The following PTBP3 variants were observed in gnomAD, a reference collection of about 807,000 sequenced individuals.
PTBP3 encodes the protein polypyrimidine tract binding protein 3.
In PTBP3, 20 loss-of-function variants were observed where a neutral mutation model predicts 58.7. The observed-to-expected ratio is 0.34, with a 90% CI of 0.24 to 0.50. The LOEUF (loss-of-function observed/expected upper bound fraction) is 0.50. Among genes scored for constraint, PTBP3 ranks in the 20% least tolerant of loss-of-function variants. The pLI, the probability that PTBP3 is intolerant of heterozygous loss-of-function variation, is 0.98. For synonymous variants in PTBP3, 185 were observed against 219.8 expected, an observed-to-expected ratio of 0.84 and a Z score of 1.40; for missense variants, 509 against 637.2, an observed-to-expected ratio of 0.80 and a Z score of 2.17.
At chr9:112,303,790 G>A (rs958539921) in intron 1 of PTBP3, among the ~76,000 whole-genome samples, 1 of 151,934 alleles carries the variant, frequency 6.6e-6, no homozygotes, top group African/African-American at 2.4e-5. Flanking sequence ...CTTGAACCTG[G>A]GAGGCAGAGG....
intron 2 of PTBP3, among the ~76,000 whole-genome samples, chr9:112,294,809 T>C (rs999536006): frequency 1.3e-5 from 2 of 152,056 alleles, no homozygotes; most frequent in Non-Finnish European, 2.9e-5. Context: ...ATACATAAAA[T>C]AAATATTCAA....
chr9:112,326,128 T>A (rs1830146894), intron 1 of PTBP3, among the ~76,000 whole-genome samples: 1 of 152,180 alleles, frequency 6.6e-6, no homozygotes, highest in African/African-American at 2.4e-5. Context: ...TGTTCTATTA[T>A]CTTGAATGAG....
intron 2 of PTBP3, among the ~76,000 whole-genome samples, chr9:112,280,111 G>C (rs1310226110): frequency 6.6e-6 from 1 of 152,086 alleles, no homozygotes; most frequent in Non-Finnish European, 1.5e-5. Flanking sequence ...CCAGGCTGGA[G>C]TGCAGTGATG....
chr9:112,301,318 T>A (rs994842299), intron 1 of PTBP3, among the ~76,000 whole-genome samples: 4 of 151,792 alleles, frequency 2.6e-5, no homozygotes, highest in Non-Finnish European at 5.9e-5. Flanking sequence ...CACTTAACTA[T>A]CAGAACACCT....
At chr9:112,306,586 G>GTATATATATATA (rs569038891) in intron 1 of PTBP3, among the ~76,000 whole-genome samples, 6 of 114,520 alleles carry the variant, frequency 5.2e-5, no homozygotes, top group African/African-American at 6.7e-5. Flanking sequence ...ATTTAAATTT[G>GTATATATATATA]TATATATATA....
intron 10 of PTBP3, among the ~76,000 whole-genome samples, 196 bp from the exon 11 acceptor site, chr9:112,228,668 A>G (rs1468004992): frequency 6.6e-6 from 1 of 152,054 alleles, no homozygotes; most frequent in Non-Finnish European, 1.5e-5. Flanking sequence ...TCCCATCAAC[A>G]CTCTAAACTT....
chr9:112,335,408 C>T (rs1325768806), upstream of PTBP3, among the ~76,000 whole-genome samples: 1 of 151,794 alleles, frequency 6.6e-6, no homozygotes, highest in Non-Finnish European at 1.5e-5. Context: ...GCCTCAGCCT[C>T]CTGAGTAGCT....
At chr9:112,256,372 T>C (rs1412902041) in intron 5 of PTBP3, among the ~76,000 whole-genome samples, 1 of 150,864 alleles carries the variant, frequency 6.6e-6, no homozygotes, top group African/African-American at 2.4e-5. Context: ...CTGTCTCCTT[T>C]CATTAGACTG....
At chr9:112,224,333 G>T (rs1447476272) in intron 12 of PTBP3, 123 bp from the exon 13 acceptor site, 5 of 566,466 alleles carry the variant, frequency 8.8e-6, no homozygotes, top group Non-Finnish European at 1.5e-5. Context: ...ATATGACAAA[G>T]ACTTGATTTG....
intron 5 of PTBP3, among the ~76,000 whole-genome samples, chr9:112,257,813 G>A (rs927057343): frequency 2.6e-5 from 4 of 151,976 alleles, no homozygotes; most frequent in Non-Finnish European, 4.4e-5. Context: ...GGTGGTGGGC[G>A]CCTGTAATCC....
chr9:112,227,981 A>G lies in PTBP3; in HGVS notation c.1148-354T>C, dbSNP rs192727725. ...TTTTGAGTAATACTTTACAGCTTTT[A>G]TAACAGTGAAGCCATGAACCCTTTC... On this transcript the variant is annotated intron_variant, in intron 11 of 13. Transcript: ENST00000374257. Among the ~76,000 whole-genome samples, 12 of 152,346 alleles carry G rather than the reference A, an allele frequency of 7.9e-5. No homozygotes were observed. In the East Asian group the frequency reaches 1.7e-3, roughly 22 times the overall value.
At chr9:112,334,650 G>T (rs966743389), upstream of PTBP3, among the ~76,000 whole-genome samples, 1 of 152,172 alleles carries the variant, frequency 6.6e-6, no homozygotes, top group African/African-American at 2.4e-5. Flanking sequence ...CATTTGAAAA[G>T]CAACTAACAA....
At chr9:112,260,874 C>CT (rs1836565813) in intron 5 of PTBP3, among the ~76,000 whole-genome samples, 1 of 152,212 alleles carries the variant, frequency 6.6e-6, no homozygotes, top group African/African-American at 2.4e-5. Flanking sequence ...AATTAGTCCT[C>CT]TTCACCTGAA....
the PTBP3 span, among the ~76,000 whole-genome samples, chr9:112,346,070 C>G: frequency 6.6e-6 from 1 of 152,074 alleles, no homozygotes; most frequent in East Asian, 1.9e-4. Flanking sequence ...TCTTGAACTC[C>G]TGACCTCAGG....
the PTBP3 span, among the ~76,000 whole-genome samples, chr9:112,362,480 T>C: frequency 3.5e-4 from 54 of 152,314 alleles, no homozygotes; most frequent in Non-Finnish European, 2.2e-4. Flanking sequence ...CTTGATAGTG[T>C]CCTGGGATGC....
chr9:112,290,587 G>A (rs925924199), intron 2 of PTBP3, among the ~76,000 whole-genome samples: 6 of 150,434 alleles, frequency 4.0e-5, no homozygotes, highest in Admixed American at 1.3e-4. Context: ...CACATGAATC[G>A]CTTGAACCCA....
chr9:112,308,353 A>T (rs1256516932), intron 1 of PTBP3, among the ~76,000 whole-genome samples: 4 of 2,600 alleles, frequency 1.5e-3, no homozygotes, highest in East Asian at 0.05. Flanking sequence ...CTTTTATTTA[A>T]AAAAAAAAAA....
chr9:112,268,869 T>C (rs536277332), intron 3 of PTBP3, among the ~76,000 whole-genome samples: 122 of 152,260 alleles, frequency 8.0e-4, no homozygotes, highest in Non-Finnish European at 5.1e-4. Flanking sequence ...ACGGATGCTT[T>C]CAGCGGCTGT....
the PTBP3 span, among the ~76,000 whole-genome samples, chr9:112,368,174 T>C: frequency 6.6e-6 from 1 of 152,122 alleles, no homozygotes; most frequent in Middle Eastern, 3.4e-3. Context: ...TTTGTATTTG[T>C]ATTTTTTATT....
Sources: gnomAD v4.1 joint callset for allele counts (sites outside exome capture counted in the v4.1 genomes callset) on GRCh38, gnomAD v4.1.1 for gene constraint, MANE v1.5 for transcripts, NCBI Gene and HGNC (gene_info 2026-07-23, HGNC 2026-07-21) for gene names.